MRNIP: variants seen among roughly 807,000 people sequenced by gnomAD.
MRNIP encodes the protein MRN complex-interacting protein.
A neutral mutation model predicts 29.8 loss-of-function variants in MRNIP; 30 were observed. The ratio of observed to expected loss-of-function variants is 1.01; its 90% CI spans 0.75 to 1.36. MRNIP has a LOEUF of 1.36. Ranked by LOEUF, MRNIP falls within the 40% of genes most tolerant of loss-of-function variation. The pLI, the probability that MRNIP is intolerant of heterozygous loss-of-function variation, is 0.00. For synonymous variants in MRNIP, 201 were observed against 164.1 expected, an observed-to-expected ratio of 1.23 and a Z score of -1.72; for missense variants, 459 against 423.5, an observed-to-expected ratio of 1.08 and a Z score of -0.74.
chr5:179,851,747 G>A (rs1759375032), intron 2 of MRNIP, among the ~76,000 whole-genome samples: 1 of 152,098 alleles, frequency 6.6e-6, no homozygotes, highest in African/African-American at 2.4e-5. Flanking sequence ...GGGAGGCCAA[G>A]GTGGGCAGAT....
chr5:179,841,898 A>G lies in MRNIP; in HGVS notation c.449+9T>C. ...TGGGCCAGGGCTGGAACGGAGACGC[A>G]CTTGGTACCTTTTTCTAGGCAGGTC... On this transcript the variant is annotated intron_variant, in intron 5 of 6. Transcript: ENST00000292586. 1.9e-6 allele frequency: 3 copies of G among 1,613,204 alleles called. 1 individual carries two copies. In the South Asian group the frequency reaches 3.3e-5, roughly 18 times the overall value.
Position 179,837,488 on chromosome 5 carries a change from G to T in MRNIP, c.935C>A (p.Ala312Glu). Residue 312 changes from alanine to glutamate, a missense_variant, in exon 7 of 7, where the codon GCA becomes GAA. By Grantham distance (107) the Ala-to-Glu change is moderately radical. Transcript: ENST00000292586. ...KTSWDARTPW[A>E]EGGPLVLEAQ... ...CTCCAGGACCAGGGGCCCACCCTCT[G>T]CCCAGGGAGTCCTTGCGTCCCATGA... is the stretch of plus-strand genomic sequence containing the variant. The T allele has an allele frequency of 6.2e-7, 1 of 1,614,120 alleles. No homozygotes were observed. The highest frequency in any genetic ancestry group is 1.1e-5 in the South Asian group (1 of 91,086).
In MRNIP at chr5:179,839,563, A is replaced by T. The variant is rs147592634; in HGVS notation, c.537+1309T>A. On this transcript the variant is annotated intron_variant, in intron 6 of 6. Transcript: ENST00000292586. ...CTGGTCATTCTTCTAGGATTTGGAG[A>T]TTCAAAGCCACTTACTTACCCAGGA... 4.1e-3 allele frequency: 629 copies of T among 152,378 alleles called. 3 individuals are homozygous for T. The highest frequency in any genetic ancestry group is 5.7e-3 in the Non-Finnish European group (389 of 68,052). The allele number at this position is 152,378 out of a possible 1,614,324, so 9.4% of individuals were successfully genotyped here. A position where few individuals can be genotyped will look rare whatever the true frequency, so the allele number is the denominator to read the frequency against.
At chr5:179,850,702 A>G (rs904791249) in intron 2 of MRNIP, among the ~76,000 whole-genome samples, 1 of 152,218 alleles carries the variant, frequency 6.6e-6, no homozygotes, top group African/African-American at 2.4e-5. Flanking sequence ...TGGCATAACC[A>G]GTAGCGGTGT....
chr5:179,837,553 G>A lies in MRNIP; in HGVS notation c.870C>T (p.His290=), dbSNP rs144080871. Residue 290 remains histidine (H), a synonymous_variant, in exon 7 of 7, where the codon CAC becomes CAT. Coordinates refer to ENST00000292586, the MANE Select transcript of MRNIP (RefSeq NM_016175.4). ...GCCTCTCAGACCCAGATGTGACGGG[G>A]TGTGTGGCCCGAGGAAGCTGGACAG... is the stretch of plus-strand genomic sequence containing the variant. ...TAAVQLPRAT[H]PVTSGSERPC... 1.4e-4 allele frequency: 220 copies of A among 1,614,242 alleles called. No homozygotes were observed. In the African/African-American group the frequency reaches 2.8e-3, roughly 21 times the overall value.
chr5:179,853,109 T>G, intron 2 of MRNIP: 1 of 824,350 alleles, frequency 1.2e-6, no homozygotes, highest in South Asian at 1.7e-5. Context: ...AGAATGACAA[T>G]GGGCTTACTT....
intron 2 of MRNIP, among the ~76,000 whole-genome samples, chr5:179,852,409 A>G (rs1392814105): frequency 1.3e-5 from 2 of 152,228 alleles, no homozygotes; most frequent in Non-Finnish European, 2.9e-5. Flanking sequence ...AGAGTTGTGC[A>G]TAACAGTCAA....
intron 4 of MRNIP, among the ~76,000 whole-genome samples, chr5:179,842,700 A>C (rs1280834453): frequency 6.7e-5 from 1 of 14,922 alleles, no homozygotes; most frequent in Non-Finnish European, 1.4e-4. Context: ...ACTCCGTCTC[A>C]AAAAAAAAAA....
At chr5:179,856,242 C>A (rs368073660) in intron 1 of MRNIP, among the ~76,000 whole-genome samples, 1 of 151,942 alleles carries the variant, frequency 6.6e-6, no homozygotes, top group African/African-American at 2.4e-5. Context: ...ACTCACAGAA[C>A]CTGGTAAAGG....
intron 2 of MRNIP, among the ~76,000 whole-genome samples, chr5:179,848,948 G>A (rs762214362): frequency 2.0e-5 from 3 of 152,146 alleles, no homozygotes; most frequent in Non-Finnish European, 2.9e-5. Flanking sequence ...AAGACGGTAC[G>A]AGACGGAATT....
chr5:179,850,778 C>G (rs1367259913), intron 2 of MRNIP, among the ~76,000 whole-genome samples: 1 of 152,224 alleles, frequency 6.6e-6, no homozygotes, highest in African/African-American at 2.4e-5. Context: ...AACTAGATGT[C>G]ATTTTCCAGT....
At chr5:179,851,020 G>T (rs1308530482) in intron 2 of MRNIP, 2 of 349,058 alleles carry the variant, frequency 5.7e-6, no homozygotes, top group Non-Finnish European at 1.1e-5. Flanking sequence ...GCGCCCTGCT[G>T]ACCTTATCAT....
chr5:179,848,712 G>T (rs1759229698), intron 2 of MRNIP, among the ~76,000 whole-genome samples: 1 of 152,198 alleles, frequency 6.6e-6, no homozygotes, highest in Non-Finnish European at 1.5e-5. Flanking sequence ...GTACATAAGA[G>T]CATACCGTTT....
At chr5:179,846,755 A>C (rs1293981325) in intron 3 of MRNIP, among the ~76,000 whole-genome samples, 1 of 152,178 alleles carries the variant, frequency 6.6e-6, no homozygotes, top group Non-Finnish European at 1.5e-5. Context: ...CCAAAATCTT[A>C]GAGATATTTC....
intron 2 of MRNIP, among the ~76,000 whole-genome samples, chr5:179,852,777 G>A (rs1582055688): frequency 6.6e-6 from 1 of 152,218 alleles, no homozygotes; most frequent in African/African-American, 2.4e-5. Flanking sequence ...GTAAGGCAAA[G>A]GATGCAGGAC....
At chr5:179,842,496 C>G (rs181252606) in intron 4 of MRNIP, among the ~76,000 whole-genome samples, 29 of 147,098 alleles carry the variant, frequency 2.0e-4, no homozygotes, top group African/African-American at 6.5e-4. Flanking sequence ...CTGGCCAATA[C>G]GGTGAAACCC....
chr5:179,842,791 G>A (rs1341091054), intron 4 of MRNIP, among the ~76,000 whole-genome samples: 1 of 151,112 alleles, frequency 6.6e-6, no homozygotes, highest in Non-Finnish European at 1.5e-5. Flanking sequence ...CTAGCACCGT[G>A]GGAGGCTGAG....
chr5:179,855,214 G>A (rs912642614), intron 1 of MRNIP, among the ~76,000 whole-genome samples: 23 of 151,076 alleles, frequency 1.5e-4, no homozygotes, highest in Admixed American at 9.9e-4. Context: ...GTGAGATCTC[G>A]GCTTAGTGCA....
chr5:179,844,596 T>G (rs1056315548), intron 3 of MRNIP, among the ~76,000 whole-genome samples: 1 of 152,060 alleles, frequency 6.6e-6, no homozygotes, highest in Non-Finnish European at 1.5e-5. Context: ...CCTTTTTTTT[T>G]CTTCTTTTTA....
Sources: allele counts gnomAD v4.1 joint callset (sites outside exome capture counted in the v4.1 genomes callset), GRCh38; gene constraint gnomAD v4.1.1; transcripts MANE v1.5; gene names NCBI Gene and HGNC (gene_info 2026-07-23, HGNC 2026-07-21).